Variants in KCNMA1 observed in about 807,000 individuals in gnomAD.
KCNMA1 encodes Calcium-activated potassium channel subunit alpha-1.
KCNMA1 carries 29 observed loss-of-function variants against 140.0 expected under a neutral mutation model. The ratio of observed to expected loss-of-function variants is 0.21; its 90% CI spans 0.15 to 0.28. The LOEUF is 0.28. Ranked by LOEUF, KCNMA1 falls within the 10% of genes least tolerant of loss-of-function variation. KCNMA1 has a pLI of 1.00. For synonymous variants in KCNMA1, 612 were observed against 611.9 expected (o/e 1.00, Z 0.00); for missense variants, 880 against 1,602.2 (o/e 0.55, Z 7.70).
chr10:77,142,369 T>TAAA (rs10710538), intron 5 of KCNMA1, among the ~76,000 whole-genome samples: 1 of 132,206 alleles, frequency 7.6e-6, no homozygotes, highest in African/African-American at 2.8e-5. Context: ...AGACTCCATT[T>TAAA]AAAAAAAAAA....
intron 5 of KCNMA1, among the ~76,000 whole-genome samples, chr10:77,132,047 C>T (rs1051276437): frequency 1.3e-5 from 2 of 151,248 alleles, no homozygotes; most frequent in African/African-American, 4.9e-5. Context: ...AACTTTCCTT[C>T]AAGAAATGCA....
chr10:77,484,385 C>T (rs777427939), intron 1 of KCNMA1, among the ~76,000 whole-genome samples: 11 of 152,212 alleles, frequency 7.2e-5, no homozygotes, highest in Non-Finnish European at 1.3e-4. Context: ...TAGAAGTTGC[C>T]GTCCCCCATC....
intron 2 of KCNMA1, among the ~76,000 whole-genome samples, chr10:77,339,744 A>G (rs2090351100): frequency 6.6e-6 from 1 of 152,224 alleles, no homozygotes; most frequent in Non-Finnish European, 1.5e-5. Flanking sequence ...AAGCTGAATA[A>G]TCACCTTCCA....
chr10:76,912,441 T>C (rs565987635), intron 24 of KCNMA1: 8 of 152,108 alleles, frequency 5.3e-5, no homozygotes, highest in Admixed American at 2.0e-4. Context: ...TCTCAGAACA[T>C]GTAGATAAAT....
chr10:77,522,970 G>A (rs978931613), intron 1 of KCNMA1, among the ~76,000 whole-genome samples: 6 of 152,054 alleles, frequency 3.9e-5, no homozygotes, highest in African/African-American at 1.2e-4. Flanking sequence ...CCCATCAAGG[G>A]GCAGATTCCT....
At chr10:77,611,915 C>T (rs2619628) in intron 1 of KCNMA1, among the ~76,000 whole-genome samples, 33,522 of 152,066 alleles carry the variant, frequency 0.22, 3,992 homozygotes, top group African/African-American at 0.27. Context: ...AAGAGGAGTT[C>T]ATAATCTAAT....
At chr10:77,375,462 G>T (rs1287895993) in intron 2 of KCNMA1, among the ~76,000 whole-genome samples, 1 of 152,178 alleles carries the variant, frequency 6.6e-6, no homozygotes, top group East Asian at 1.9e-4. Context: ...AATTCACGCG[G>T]CTGTTAATGA....
At chr10:77,234,652 T>A (rs1167325453) in intron 3 of KCNMA1, among the ~76,000 whole-genome samples, 1 of 152,240 alleles carries the variant, frequency 6.6e-6, no homozygotes, top group East Asian at 1.9e-4. Context: ...CAGCATGTCC[T>A]ATGTGCTGTA....
intron 1 of KCNMA1, among the ~76,000 whole-genome samples, chr10:77,574,366 G>T (rs1208707456): frequency 1.3e-5 from 2 of 152,072 alleles, no homozygotes; most frequent in African/African-American, 4.8e-5. Context: ...CACACACAAT[G>T]TGTGCTTTAA....
chr10:77,114,113 G>A lies in KCNMA1; in HGVS notation c.885-1671C>T, dbSNP rs1403690658. On this transcript the variant is annotated intron_variant, in intron 6 of 27. Coordinates refer to ENST00000286628, the MANE Select transcript of KCNMA1 (RefSeq NM_001161352.2). ...AGAGGTGCCCATTTCCCTTTGTAAT[G>A]AATATGCCACCTTGAGTGAGGCCCC... Among the ~76,000 whole-genome samples, 4 of 152,180 alleles carry A rather than the reference G, an allele frequency of 2.6e-5. No homozygotes were observed. The East Asian group carries it at 5.8e-4, about 22-fold the overall frequency.
At chr10:77,637,089 G>C in intron 1 of KCNMA1, 176 bp downstream of exon 1, 1 of 1,313,362 alleles carries the variant, frequency 7.6e-7, no homozygotes, top group Non-Finnish European at 1.0e-6. Context: ...CCGGCGCGCC[G>C]CCCGCTGCCC....
intron 1 of KCNMA1, among the ~76,000 whole-genome samples, chr10:77,626,881 G>A (rs185584113): frequency 1.8e-4 from 28 of 152,324 alleles, no homozygotes; most frequent in Non-Finnish European, 3.8e-4. Context: ...AGACAAAGGT[G>A]AGGTAACTAA....
At chr10:77,228,790 T>C (rs1379021965) in intron 3 of KCNMA1, among the ~76,000 whole-genome samples, 3 of 152,132 alleles carry the variant, frequency 2.0e-5, no homozygotes, top group African/African-American at 7.2e-5. Context: ...GAACAGAAAT[T>C]CCAGCTTGAG....
At chr10:77,055,876 T>C (rs1364141704) in intron 14 of KCNMA1, among the ~76,000 whole-genome samples, 5 of 152,174 alleles carry the variant, frequency 3.3e-5, no homozygotes, top group South Asian at 4.1e-4. Flanking sequence ...CTAAATTGTT[T>C]ATAAACTCTG....
In KCNMA1 at chr10:77,585,497, G is replaced by A. The variant is rs558796133; in HGVS notation, c.378+51768C>T. ...TTTTGTACCAAGCTCTTATCAGATTGCTTTCACTAGATTGGTGCCCTGTGC... is the reference window on the plus strand; with the variant it reads ...TTTTGTACCAAGCTCTTATCAGATTACTTTCACTAGATTGGTGCCCTGTGC... On this transcript the variant is annotated intron_variant, in intron 1 of 27. Coordinates refer to ENST00000286628, the MANE Select transcript of KCNMA1 (RefSeq NM_001161352.2). Among the ~76,000 whole-genome samples, 60 of 152,328 alleles carry A rather than the reference G, an allele frequency of 3.9e-4. 1 individual carries two copies. The highest frequency in any genetic ancestry group is 6.8e-4 in the Non-Finnish European group (46 of 68,036).
At chr10:77,368,591 G>C (rs966633317) in intron 2 of KCNMA1, among the ~76,000 whole-genome samples, 3 of 151,868 alleles carry the variant, frequency 2.0e-5, no homozygotes, top group African/African-American at 7.3e-5. Flanking sequence ...ATCTTTTTGG[G>C]GTCATGTCTA....
intron 3 of KCNMA1, among the ~76,000 whole-genome samples, chr10:77,238,290 A>T (rs996738906): frequency 1.3e-5 from 2 of 152,052 alleles, no homozygotes; most frequent in Non-Finnish European, 2.9e-5. Flanking sequence ...TTGGGTACCC[A>T]GTGGTCCCTA....
chr10:77,385,195 A>C (rs1221319291), intron 2 of KCNMA1, among the ~76,000 whole-genome samples: 1 of 152,246 alleles, frequency 6.6e-6, no homozygotes, highest in Non-Finnish European at 1.5e-5. Context: ...ATTATTGAAT[A>C]AAAATATGAC....
At chr10:77,109,638 T>A (rs1310167520) in intron 8 of KCNMA1, among the ~76,000 whole-genome samples, 2 of 152,138 alleles carry the variant, frequency 1.3e-5, no homozygotes, top group African/African-American at 2.4e-5. Context: ...TGCACTCTGC[T>A]CACATGGGGA....
Sources: gnomAD v4.1 joint callset for allele counts (sites outside exome capture counted in the v4.1 genomes callset) on GRCh38, gnomAD v4.1.1 for gene constraint, MANE v1.5 for transcripts, NCBI Gene and HGNC (gene_info 2026-07-23, HGNC 2026-07-21) for gene names.